The following AUTS2 variants were observed in gnomAD, a reference collection of about 807,000 sequenced individuals.
AUTS2 encodes the protein activator of transcription and developmental regulator AUTS2, also known as autism susceptibility gene 2 protein.
Under a neutral mutation model 112.4 loss-of-function variants are expected in AUTS2, and 17 were observed. The ratio of observed to expected loss-of-function variants is 0.15; its 90% CI spans 0.10 to 0.23. The LOEUF (loss-of-function observed/expected upper bound fraction) is 0.23. AUTS2 is among the 10% of genes least tolerant of loss of function. The pLI is 1.00. For missense variants in AUTS2, 1,510 were observed against 1,701.6 expected (o/e 0.89, Z 1.98); for synonymous variants, 751 against 702.7 (o/e 1.07, Z -1.09).
At chr7:70,786,281 C>T (rs1021731485) in intron 17 of AUTS2, among the ~76,000 whole-genome samples, 9 of 152,156 alleles carry the variant, frequency 5.9e-5, no homozygotes, top group African/African-American at 2.2e-4. Flanking sequence ...AGTTGATGAC[C>T]ACAGAAAGTT....
At chr7:69,768,283 T>C (rs943519757) in intron 1 of AUTS2, among the ~76,000 whole-genome samples, 10 of 152,228 alleles carry the variant, frequency 6.6e-5, no homozygotes, top group African/African-American at 1.9e-4. Flanking sequence ...GAGCATAAGT[T>C]AAAAAATACT....
chr7:70,037,632 G>C (rs1801066491), intron 2 of AUTS2, among the ~76,000 whole-genome samples: 1 of 151,778 alleles, frequency 6.6e-6, no homozygotes, highest in African/African-American at 2.4e-5. Flanking sequence ...TTGTGAGCTG[G>C]ATACTCACTA....
intron 1 of AUTS2, among the ~76,000 whole-genome samples, chr7:69,758,471 G>A (rs780303767): frequency 2.6e-5 from 4 of 152,126 alleles, no homozygotes; most frequent in Non-Finnish European, 4.4e-5. Context: ...CAAATGATCC[G>A]GAGTAAATAA....
chr7:70,472,400 T>C (rs1290038254), intron 5 of AUTS2, among the ~76,000 whole-genome samples: 6 of 151,624 alleles, frequency 4.0e-5, no homozygotes, highest in African/African-American at 7.3e-5. Flanking sequence ...CCGTAACTTA[T>C]AATCTCAGAT....
chr7:69,787,872 A>T (rs957736919), intron 1 of AUTS2, among the ~76,000 whole-genome samples: 5 of 152,136 alleles, frequency 3.3e-5, no homozygotes, highest in Non-Finnish European at 5.9e-5. Flanking sequence ...CACTGCGCCT[A>T]GCTGTTACAA....
intron 1 of AUTS2, among the ~76,000 whole-genome samples, chr7:69,782,335 G>T (rs1356044411): frequency 6.6e-6 from 1 of 151,686 alleles, no homozygotes; most frequent in African/African-American, 2.4e-5. Context: ...TGCAGGTGGG[G>T]TGACAGAGTG....
intron 4 of AUTS2, among the ~76,000 whole-genome samples, chr7:70,137,395 C>A (rs554114118): frequency 2.7e-5 from 4 of 150,132 alleles, no homozygotes; most frequent in Non-Finnish European, 1.5e-5. Context: ...TAGTTGGAAT[C>A]GATTTGCTTT....
chr7:70,790,454 C>G lies in AUTS2; in HGVS notation c.3238C>G (p.Arg1080Gly), dbSNP rs750104446. Residue 1080 changes from arginine (R) to glycine (G), a missense_variant, in exon 19 of 19, where the codon CGA becomes GGA. This residue lies in a region of AUTS2 where 788 missense variants were observed against 797.6 expected (regional missense o/e 0.99). Coordinates refer to ENST00000342771, the MANE Select transcript of AUTS2 (RefSeq NM_015570.4). This position sits in a 1 kb window ranked among gnomAD's most constrained non-coding sequence, Gnocchi z 7.6. ...CCGGGACCCCTTGAGGGATCCTTAC[C>G]GAGAACTTGACATTCACCGGAGAGA... ...PIRDPLRDPY[R>G]ELDIHRRDPL... is the part of the protein sequence containing the mutation. 6.2e-7 allele frequency: 1 copy of G among 1,612,316 alleles called. No homozygotes were observed. The highest frequency in any genetic ancestry group is 8.5e-7 in the Non-Finnish European group (1 of 1,179,118).
chr7:70,491,552 TATATA>T (rs755588555), intron 5 of AUTS2, among the ~76,000 whole-genome samples: 32 of 147,938 alleles, frequency 2.2e-4, no homozygotes, highest in South Asian at 6.3e-4. Flanking sequence ...ATATATGTTA[TATATA>T]ATATATTATG....
intron 4 of AUTS2, among the ~76,000 whole-genome samples, chr7:70,168,514 C>T (rs1036475947): frequency 4.6e-5 from 7 of 152,136 alleles, no homozygotes; most frequent in African/African-American, 1.7e-4. Context: ...CAGGGTTTCA[C>T]CATGTTGACT....
At chr7:70,094,257 C>T (rs1220326774) in intron 2 of AUTS2, among the ~76,000 whole-genome samples, 1 of 152,220 alleles carries the variant, frequency 6.6e-6, no homozygotes, top group Non-Finnish European at 1.5e-5. Flanking sequence ...ATGCGCCCTG[C>T]ATGCTTGTTG....
intron 5 of AUTS2, among the ~76,000 whole-genome samples, chr7:70,455,572 A>T (rs1028006091): frequency 5.3e-5 from 8 of 152,092 alleles, no homozygotes; most frequent in Non-Finnish European, 7.4e-5. Flanking sequence ...CATCACAGTC[A>T]CTCAGAGTGC....
At chr7:70,777,924 G>A (rs995125605) in intron 14 of AUTS2, among the ~76,000 whole-genome samples, 11 of 152,198 alleles carry the variant, frequency 7.2e-5, no homozygotes, top group Admixed American at 3.3e-4. Context: ...ATGGCTGTGG[G>A]AAAATGGTAG....
chr7:70,544,718 G>C (rs1169112338), intron 5 of AUTS2, among the ~76,000 whole-genome samples: 1 of 152,170 alleles, frequency 6.6e-6, no homozygotes, highest in Non-Finnish European at 1.5e-5. Flanking sequence ...TTTCATTTCA[G>C]AGATGGGGCT....
At chr7:70,041,197 A>G (rs1122912) in intron 2 of AUTS2, among the ~76,000 whole-genome samples, 1 of 152,202 alleles carries the variant, frequency 6.6e-6, no homozygotes, top group Admixed American at 6.5e-5. Context: ...AAAACTTCCT[A>G]TGTGGCTTTT....
At chr7:69,675,532 G>T (rs1796524392) in intron 1 of AUTS2, among the ~76,000 whole-genome samples, 9 of 124,984 alleles carry the variant, frequency 7.2e-5, no homozygotes, top group Admixed American at 4.4e-4. Context: ...TTTTTGAGAT[G>T]GAGTCTTGCT....
In AUTS2 at chr7:70,072,463, A is replaced by G. The variant is rs1216106239; in HGVS notation, c.523-45669A>G. ...GACAGATGGGTTTCTCTCGTTTTCC[A>G]TTTCCTGGTAGCCAGGCTTGGTTCA... On this transcript the variant is annotated intron_variant, in intron 2 of 18. Coordinates refer to ENST00000342771, the MANE Select transcript of AUTS2 (RefSeq NM_015570.4). 3.3e-5 allele frequency among the ~76,000 whole-genome samples: 5 copies of G among 152,166 alleles called. No individual in the cohort carries two copies. In the East Asian group the frequency reaches 7.7e-4, roughly 23 times the overall value.
At chr7:69,713,662 C>T (rs532820) in intron 1 of AUTS2, among the ~76,000 whole-genome samples, 93,147 of 151,606 alleles carry the variant, frequency 0.61, 28,912 homozygotes, top group East Asian at 0.7. Context: ...GGTTTCATCA[C>T]GTTGTGTAAG....
intron 5 of AUTS2, among the ~76,000 whole-genome samples, chr7:70,445,825 A>G (rs1796296661): frequency 6.6e-6 from 1 of 152,224 alleles, no homozygotes; most frequent in South Asian, 2.1e-4. Flanking sequence ...TACTTGACAC[A>G]TACGGCCCTG....
Sources: gnomAD v4.1 joint callset for allele counts (sites outside exome capture counted in the v4.1 genomes callset) on GRCh38, gnomAD v4.1.1 for gene constraint, gnomAD v4.1.1 regional missense constraint, Gnocchi (gnomAD v3.1) non-coding constraint, MANE v1.5 for transcripts, NCBI Gene and HGNC (gene_info 2026-07-23, HGNC 2026-07-21) for gene names.